LMF1: variants seen among roughly 807,000 people sequenced by gnomAD.
LMF1 encodes the protein transmembrane protein 112.
LMF1 carries 68 observed loss-of-function variants against 60.6 expected under a neutral mutation model. That is an observed-to-expected ratio of 1.12 (90% CI 0.92 to 1.37). The LOEUF (loss-of-function observed/expected upper bound fraction) is 1.37, where lower values mean the gene tolerates loss of function less well. Ranked by LOEUF, LMF1 falls within the 40% of genes most tolerant of loss-of-function variation. The pLI is 0.00. For synonymous variants in LMF1, 418 were observed against 324.7 expected (o/e 1.29, Z -3.09); for missense variants, 948 against 767.2 (o/e 1.24, Z -2.78).
At chr16:979,489 G>A in intron 1 of LMF1, 7 of 371,992 alleles carry the variant, frequency 1.9e-5, no homozygotes, top group South Asian at 1.4e-4. Flanking sequence ...AGGCGCTGTT[G>A]GAGCCTGAGG....
At chr16:867,743 G>A (rs1378315223) in intron 10 of LMF1, among the ~76,000 whole-genome samples, 2 of 152,148 alleles carry the variant, frequency 1.3e-5, no homozygotes, top group African/African-American at 2.4e-5. Flanking sequence ...CTGAGGCCGG[G>A]CCCATGAGGA....
chr16:854,690 G>C lies in LMF1; in HGVS notation c.1546C>G (p.His516Asp). ...GGACGGCTGAACTTGTACCTGTAGT[G>C]CTCTCCTCGGACCCACCTGCAAGGG... ...RPPPRWVRGE[H>D]YRYKFSRPGG... is the part of the protein sequence containing the mutation. Residue 516 changes from histidine (H) to aspartate (D), a missense_variant, in exon 11 of 11, where the codon CAC (histidine) becomes GAC (aspartate). By Grantham distance (81) the His-to-Asp change is moderately conservative (BLOSUM62 -1). Transcript: ENST00000262301. 1 of 1,595,248 alleles carries C rather than the reference G, an allele frequency of 6.3e-7. No homozygotes were observed. The highest frequency in any genetic ancestry group is 1.1e-5 in the South Asian group (1 of 88,964).
intron 2 of LMF1, among the ~76,000 whole-genome samples, chr16:953,897 ACG>A (rs2072574521): frequency 4.5e-5 from 4 of 89,780 alleles, no homozygotes; most frequent in East Asian, 8.5e-4. Flanking sequence ...AGCCTCCTAC[ACG>A]TCCACACAGA....
chr16:853,914 A>G lies in LMF1; in HGVS notation c.*618T>C, dbSNP rs558035127. On this transcript the variant is annotated 3_prime_UTR_variant, in exon 11 of 11. Coordinates refer to ENST00000262301, the MANE Select transcript of LMF1 (RefSeq NM_022773.4). ...AACCGGGCCAAGAACACATGTGTGC[A>G]CAGGCTGTGTGTGCCTGCATGTGTG... 78 of 454,088 alleles carry G rather than the reference A, an allele frequency of 1.7e-4. No homozygotes were observed. The highest frequency in any genetic ancestry group is 9.6e-4 in the African/African-American group (48 of 50,066). The allele number at this position is 454,088 out of a possible 1,614,324, so 28.1% of individuals were successfully genotyped here.
At chr16:872,495 A>G (rs886387898) in intron 6 of LMF1, 7 of 152,340 alleles carry the variant, frequency 4.6e-5, no homozygotes, top group Non-Finnish European at 8.8e-5. Flanking sequence ...ACTGTCTACA[A>G]GGTTACTAAA....
At chr16:976,201 G>C (rs1045346422) in intron 1 of LMF1, 1 of 450,378 alleles carries the variant, frequency 2.2e-6, no homozygotes, top group Admixed American at 2.4e-5. Flanking sequence ...CGGATGGGCT[G>C]GGGGCTGGGG....
intron 2 of LMF1, among the ~76,000 whole-genome samples, chr16:952,064 A>G (rs3865203): frequency 2.6e-5 from 4 of 152,064 alleles, no homozygotes; most frequent in Admixed American, 6.5e-5. Flanking sequence ...AAAGTCAGGC[A>G]TGTGTGCGTG....
At chr16:953,187 C>T (rs1218579261) in intron 2 of LMF1, among the ~76,000 whole-genome samples, 1 of 123,824 alleles carries the variant, frequency 8.1e-6, no homozygotes, top group African/African-American at 3.0e-5. Context: ...ACACCCCAAA[C>T]CAGCCTCCTA....
intron 3 of LMF1, 143 bp from the exon 4 acceptor site, chr16:911,222 A>G (rs1395993521): frequency 2.1e-6 from 2 of 954,394 alleles, no homozygotes; most frequent in East Asian, 2.6e-5. Context: ...CGCACGTATT[A>G]GTCTCAACAT....
Position 897,324 on chromosome 16 carries a change from T to C in LMF1, c.664-4252A>G, listed in dbSNP as rs556264159. Among the ~76,000 whole-genome samples, 11 of 152,334 alleles carry C rather than the reference T, an allele frequency of 7.2e-5. 1 individual carries two copies. In the South Asian group the frequency reaches 2.3e-3, roughly 32 times the overall value. ...TCCACCCTGCAGCGACAGCCCCCTG[T>C]GTACCCTTGCACAGTGGCTCAGGAC... On this transcript the variant is annotated intron_variant, in intron 4 of 10. Transcript: ENST00000262301. The surrounding 1 kb of genome is among the most constrained non-coding windows in gnomAD (Gnocchi z 4.3).
chr16:894,606 G>A (rs1446995606), intron 4 of LMF1, among the ~76,000 whole-genome samples: 3 of 152,240 alleles, frequency 2.0e-5, no homozygotes, highest in Non-Finnish European at 2.9e-5. Flanking sequence ...GGCAGACGCA[G>A]TGGCACATAA....
In LMF1 at chr16:952,745, G is replaced by A. The variant is rs149599295; in HGVS notation, c.503+1612C>T. ...CCAAGCTGGGCATGCAAGAGCCAGC[G>A]CATCCCCAGCTTCCTACACATCCAC... On this transcript the variant is annotated intron_variant, in intron 2 of 10. Transcript: ENST00000262301. 452 of 143,718 alleles carry A rather than the reference G, an allele frequency of 3.1e-3. 15 individuals are homozygous for A. The highest frequency in any genetic ancestry group is 1.0e-3 in the Non-Finnish European group (69 of 66,116). 8.9% of individuals were successfully genotyped at this position (143,718 alleles called of 1,614,324 possible).
intron 5 of LMF1, among the ~76,000 whole-genome samples, chr16:888,975 G>A (rs2070395199): frequency 6.6e-6 from 1 of 152,204 alleles, no homozygotes; most frequent in South Asian, 2.1e-4. Context: ...TCACAACGGT[G>A]CTGAGGACAT....
rs1297031228 is a variant in LMF1, at chr16:950,857, C to G, written c.503+3500G>C. ...CAGCCAATGACAGAGTCAGAGCCAA[C>G]GACAGAGTCAGCCAAGGACGGAGTC... On this transcript the variant is annotated intron_variant, in intron 2 of 10. Coordinates refer to ENST00000262301, the MANE Select transcript of LMF1 (RefSeq NM_022773.4). Among the ~76,000 whole-genome samples the G allele has an allele frequency of 2.0e-4, 27 of 137,690 alleles. 4 individuals are homozygous for G. The highest frequency in any genetic ancestry group is 3.2e-4 in the Non-Finnish European group (21 of 65,110). 90.3% of individuals were successfully genotyped at this position (137,690 alleles called of 152,430 possible). A position where few individuals can be genotyped will look rare whatever the true frequency, so the allele number is the denominator to read the frequency against.
Position 908,988 on chromosome 16 carries a change from G to C in LMF1, c.663+1943C>G, listed in dbSNP as rs1014636321. ...GGACACCTTGTCCTGGGGGGTGAGA[G>C]GGGCCCTGGTGTTGAGGTCCCTCTC... is the stretch of plus-strand genomic sequence containing the variant. On this transcript the variant is annotated intron_variant, in intron 4 of 10. Coordinates refer to ENST00000262301, the MANE Select transcript of LMF1 (RefSeq NM_022773.4). 3.9e-5 allele frequency among the ~76,000 whole-genome samples: 6 copies of C among 152,176 alleles called. No individual in the cohort carries two copies. The East Asian group carries it at 9.6e-4, about 24-fold the overall frequency.
At chr16:861,833 T>C (rs1031790343) in intron 10 of LMF1, among the ~76,000 whole-genome samples, 1 of 152,238 alleles carries the variant, frequency 6.6e-6, no homozygotes, top group Non-Finnish European at 1.5e-5. Context: ...ATCCGATGGT[T>C]AGAGCAGACG....
At position 876,878 on chromosome 16, in the gene LMF1, G is replaced by A. The variant is rs927530488; in HGVS notation, c.897+2692C>T. Among the ~76,000 whole-genome samples the A allele has an allele frequency of 2.6e-5, 4 of 152,240 alleles. No homozygotes were observed. In the South Asian group the frequency reaches 6.2e-4, roughly 24 times the overall value. ...AGGAGGGAAAATAACAGAAAAAAAC[G>A]AGAGAGAAAGATACAAAGAACAAAG... On this transcript the variant is annotated intron_variant, in intron 6 of 10. Transcript: ENST00000262301.
At chr16:976,943 G>T (rs902435840) in intron 1 of LMF1, 1 of 453,710 alleles carries the variant, frequency 2.2e-6, no homozygotes, top group African/African-American at 2.0e-5. Context: ...TCAGGGGAGT[G>T]CGAGGTGAAG....
Position 853,801 on chromosome 16 carries a change from C to T in LMF1, c.*731G>A, listed in dbSNP as rs1290197740. ...CGATTGAGGGGCCTTGTCAAGGCCT[C>T]AGAGGCAGCGAGGTCACAGCCTGGT... On this transcript the variant is annotated 3_prime_UTR_variant, in exon 11 of 11. Coordinates refer to ENST00000262301, the MANE Select transcript of LMF1 (RefSeq NM_022773.4). 2 of 454,006 alleles carry T rather than the reference C, an allele frequency of 4.4e-6. No homozygotes were observed. Among genetic ancestry groups the T allele is most frequent in the African/African-American group, 4.0e-5 (2 of 49,992 alleles). 28.1% of individuals were successfully genotyped at this position (454,006 alleles called of 1,614,324 possible). A position where few individuals can be genotyped will look rare whatever the true frequency, so the allele number is the denominator to read the frequency against.
Sources: allele counts gnomAD v4.1 joint callset (sites outside exome capture counted in the v4.1 genomes callset), GRCh38; gene constraint gnomAD v4.1.1; non-coding constraint Gnocchi (gnomAD v3.1); transcripts MANE v1.5; gene names NCBI Gene and HGNC (gene_info 2026-07-23, HGNC 2026-07-21).